Variants in RASGRF2 observed in about 807,000 individuals in gnomAD.
RASGRF2 encodes Ras protein specific guanine nucleotide releasing factor 2, also known as ras-specific guanine nucleotide-releasing factor 2.
RASGRF2 carries 76 observed loss-of-function variants against 151.0 expected under a neutral mutation model. That is an observed-to-expected ratio of 0.50 (90% CI 0.42 to 0.61). The LOEUF (loss-of-function observed/expected upper bound fraction) is 0.61. RASGRF2 is among the 20% of genes least tolerant of loss of function. The pLI is 0.00. For missense variants in RASGRF2, 1,148 were observed against 1,564.6 expected (o/e 0.73, Z 4.49); for synonymous variants, 504 against 566.5 (o/e 0.89, Z 1.57).
chr5:81,167,344 T>C (rs1295759243), intron 17 of RASGRF2, among the ~76,000 whole-genome samples: 1 of 152,122 alleles, frequency 6.6e-6, no homozygotes, highest in Non-Finnish European at 1.5e-5. Flanking sequence ...TTCTGCCCCA[T>C]AGCAGCCTCG....
chr5:81,150,186 CCAAGGGGT>C (rs1429654753), intron 17 of RASGRF2, among the ~76,000 whole-genome samples: 8 of 152,154 alleles, frequency 5.3e-5, no homozygotes, highest in African/African-American at 9.7e-5. Flanking sequence ...GAATGGCTCT[CCAAGGGGT>C]CAGAAGTAAA....
At chr5:81,189,653 C>T (rs1399687676) in intron 18 of RASGRF2, among the ~76,000 whole-genome samples, 1 of 151,378 alleles carries the variant, frequency 6.6e-6, no homozygotes, top group African/African-American at 2.4e-5. Context: ...GCCACTGTGC[C>T]TAGCCACAGA....
chr5:81,085,960 T>A (rs1286668172), intron 8 of RASGRF2, 49 bp downstream of exon 8: 1 of 1,612,168 alleles, frequency 6.2e-7, no homozygotes, highest in South Asian at 1.1e-5. Context: ...AGCAGCAAGT[T>A]AGTCTCTTGT....
At chr5:81,117,893 T>C (rs459021) in intron 15 of RASGRF2, among the ~76,000 whole-genome samples, 62,961 of 151,866 alleles carry the variant, frequency 0.41, 14,824 homozygotes, top group African/African-American at 0.65. Flanking sequence ...CAAGTAAGTC[T>C]GAAACCCAAC....
At chr5:81,169,868 A>G (rs1211211146) in intron 17 of RASGRF2, among the ~76,000 whole-genome samples, 2 of 112,518 alleles carry the variant, frequency 1.8e-5, no homozygotes, top group Admixed American at 9.1e-5. Flanking sequence ...TGTATCACCC[A>G]TACCACCTGC....
chr5:80,983,056 G>A (rs148910763), intron 1 of RASGRF2, among the ~76,000 whole-genome samples: 43 of 152,268 alleles, frequency 2.8e-4, no homozygotes, highest in African/African-American at 9.4e-4. Flanking sequence ...TTTTTGAAAC[G>A]GGTTAGGACA....
At chr5:80,993,130 A>G (rs1467871125) in intron 1 of RASGRF2, among the ~76,000 whole-genome samples, 2 of 152,142 alleles carry the variant, frequency 1.3e-5, no homozygotes, top group African/African-American at 2.4e-5. Context: ...CATAATGTCT[A>G]TGCATAATTT....
At chr5:80,967,280 C>G (rs1401767747) in intron 1 of RASGRF2, among the ~76,000 whole-genome samples, 1 of 152,070 alleles carries the variant, frequency 6.6e-6, no homozygotes, top group Non-Finnish European at 1.5e-5. Context: ...CCCAGCTACT[C>G]AGGAGGCTGA....
intron 1 of RASGRF2, among the ~76,000 whole-genome samples, chr5:80,969,544 G>T (rs938828334): frequency 6.6e-6 from 1 of 151,486 alleles, no homozygotes; most frequent in Admixed American, 6.6e-5. Flanking sequence ...CGCCTCCAGG[G>T]TTCACACCAT....
intron 12 of RASGRF2, among the ~76,000 whole-genome samples, chr5:81,108,217 G>A (rs1051354587): frequency 1.3e-5 from 2 of 152,006 alleles, no homozygotes; most frequent in African/African-American, 4.8e-5. Context: ...TTCCTGTTTT[G>A]TTCAAAGGGA....
At chr5:81,201,647 G>A (rs1199455590) in intron 19 of RASGRF2, among the ~76,000 whole-genome samples, 1 of 152,196 alleles carries the variant, frequency 6.6e-6, no homozygotes, top group Non-Finnish European at 1.5e-5. Context: ...GGTATAACTC[G>A]TGTGGAGTGC....
intron 26 of RASGRF2, among the ~76,000 whole-genome samples, chr5:81,221,828 T>C (rs1755862585): frequency 6.6e-6 from 1 of 152,086 alleles, no homozygotes; most frequent in East Asian, 1.9e-4. Flanking sequence ...ACTACAAAAA[T>C]TATCCAGGCA....
chr5:81,055,895 T>C (rs185654591), intron 2 of RASGRF2, among the ~76,000 whole-genome samples: 41 of 152,362 alleles, frequency 2.7e-4, no homozygotes, highest in African/African-American at 9.6e-4. Context: ...CCATTTCTTC[T>C]AGATTTTCTA....
At chr5:81,002,000 G>A (rs773107453) in intron 1 of RASGRF2, among the ~76,000 whole-genome samples, 10 of 152,190 alleles carry the variant, frequency 6.6e-5, no homozygotes, top group South Asian at 4.1e-4. Context: ...GTTTATCTAC[G>A]AAGAGACATG....
rs148267903 is a variant in RASGRF2 at position 81,192,761 on chromosome 5, G to T, written c.2794-8569G>T. ...GAGGAATGCAAACCTGTGTACCCCAGACCTGTCAAGGCTGATTTGCATATA... is the reference window on the plus strand; with the variant it reads ...GAGGAATGCAAACCTGTGTACCCCATACCTGTCAAGGCTGATTTGCATATA... On this transcript the variant is annotated intron_variant, in intron 18 of 26. Transcript: ENST00000265080. Among the ~76,000 whole-genome samples, 251 of 152,304 alleles carry T rather than the reference G, an allele frequency of 1.6e-3. 2 individuals carry two copies. Among genetic ancestry groups the T allele is most frequent in the African/African-American group, 5.4e-3 (226 of 41,548 alleles).
intron 1 of RASGRF2, among the ~76,000 whole-genome samples, chr5:80,986,972 C>T (rs1748491731): frequency 6.6e-6 from 1 of 152,158 alleles, no homozygotes; most frequent in Admixed American, 6.6e-5. Context: ...ATCTGGGCCC[C>T]AGTCACACCA....
intron 5 of RASGRF2, among the ~76,000 whole-genome samples, chr5:81,074,129 G>T (rs1751867167): frequency 6.6e-6 from 1 of 152,182 alleles, no homozygotes; most frequent in African/African-American, 2.4e-5. Context: ...CAGGACCTGA[G>T]AAGCTCTGGT....
chr5:81,044,824 AC>A, intron 2 of RASGRF2, among the ~76,000 whole-genome samples: 1 of 152,038 alleles, frequency 6.6e-6, no homozygotes, highest in African/African-American at 2.4e-5. Flanking sequence ...CTTTATCACT[AC>A]AGTCTTTTCT....
intron 17 of RASGRF2, among the ~76,000 whole-genome samples, chr5:81,162,878 T>C (rs2112642262): frequency 6.6e-6 from 1 of 152,050 alleles, no homozygotes; most frequent in Middle Eastern, 3.4e-3. Flanking sequence ...TTACAGGAAA[T>C]TGGGTATATA....
Sources: allele counts gnomAD v4.1 joint callset (sites outside exome capture counted in the v4.1 genomes callset), GRCh38; gene constraint gnomAD v4.1.1; transcripts MANE v1.5; gene names NCBI Gene and HGNC (gene_info 2026-07-23, HGNC 2026-07-21).